SLIT3: variants seen among roughly 807,000 people sequenced by gnomAD.
SLIT3 encodes the protein slit homolog 3 protein.
In SLIT3, 68 loss-of-function variants were observed where a neutral mutation model predicts 184.0. The ratio of observed to expected loss-of-function variants is 0.37; its 90% CI spans 0.30 to 0.45. The LOEUF is 0.45. SLIT3 is among the 20% of genes least tolerant of loss of function. The pLI, the probability that SLIT3 is intolerant of heterozygous loss-of-function variation, is 1.00. For missense variants in SLIT3, 1,707 were observed against 2,026.0 expected, an observed-to-expected ratio of 0.84 and a Z score of 3.02; for synonymous variants, 831 against 828.6, an observed-to-expected ratio of 1.00 and a Z score of -0.05.
intron 8 of SLIT3, among the ~76,000 whole-genome samples, chr5:168,816,139 C>G (rs1010616158): frequency 6.6e-6 from 1 of 152,094 alleles, no homozygotes; most frequent in Non-Finnish European, 1.5e-5. Context: ...TGGAAGGTGC[C>G]AATGCAAAGT....
intron 4 of SLIT3, among the ~76,000 whole-genome samples, chr5:168,917,275 TC>T (rs1453452874): frequency 6.6e-6 from 1 of 152,050 alleles, no homozygotes; most frequent in African/African-American, 2.4e-5. Flanking sequence ...CCTAGCCAAG[TC>T]CTAGTCTTAC....
intron 4 of SLIT3, among the ~76,000 whole-genome samples, chr5:168,887,763 A>G (rs1333076485): frequency 6.6e-6 from 1 of 152,158 alleles, no homozygotes. Context: ...AGCACTCTGC[A>G]CAGCACCTAG....
intron 5 of SLIT3, among the ~76,000 whole-genome samples, chr5:168,850,308 T>C (rs1379875912): frequency 6.6e-6 from 1 of 152,188 alleles, no homozygotes; most frequent in African/African-American, 2.4e-5. Context: ...ATTTTGCTCA[T>C]TTTGTACACT....
chr5:168,703,226 TTGTGTGTGTGTGTGTGTGTGTGTGTG>T (rs370363011), intron 26 of SLIT3, among the ~76,000 whole-genome samples: 77 of 126,740 alleles, frequency 6.1e-4, no homozygotes, highest in African/African-American at 1.7e-3. Flanking sequence ...TCATCCCACT[TTGTGTGTGTGTGTGTGTGTGTGTGTG>T]TGTGTGTGTG....
chr5:168,967,462 C>T (rs1208170746), intron 4 of SLIT3, among the ~76,000 whole-genome samples: 20 of 1,486 alleles, frequency 0.013, no homozygotes, highest in South Asian at 0.11. Context: ...TTTTTTGAGA[C>T]GGAGTCTCGC....
intron 5 of SLIT3, among the ~76,000 whole-genome samples, chr5:168,873,366 A>G (rs1759608529): frequency 1.3e-5 from 2 of 151,932 alleles, no homozygotes; most frequent in Admixed American, 1.3e-4. Context: ...ATAGTGACTC[A>G]CACTCGTAAT....
At chr5:169,065,290 C>T (rs956283880) in intron 4 of SLIT3, among the ~76,000 whole-genome samples, 2 of 152,046 alleles carry the variant, frequency 1.3e-5, no homozygotes, top group African/African-American at 2.4e-5. Context: ...TGGCAGCTAC[C>T]GTCTAGTGTA....
At chr5:169,165,417 G>A (rs910499622) in intron 4 of SLIT3, among the ~76,000 whole-genome samples, 3 of 152,222 alleles carry the variant, frequency 2.0e-5, no homozygotes, top group African/African-American at 7.2e-5. Context: ...TAGGGGGAGT[G>A]ACAGCAACAA....
chr5:168,890,006 G>T (rs988842107), intron 4 of SLIT3, among the ~76,000 whole-genome samples: 1 of 151,982 alleles, frequency 6.6e-6, no homozygotes, highest in Non-Finnish European at 1.5e-5. Context: ...AGCCAGGCGT[G>T]GTGGTGGGCA....
At chr5:169,186,512 T>C (rs1016814530) in intron 4 of SLIT3, among the ~76,000 whole-genome samples, 2 of 152,224 alleles carry the variant, frequency 1.3e-5, no homozygotes, top group African/African-American at 2.4e-5. Flanking sequence ...TTAGCATTCC[T>C]ATTGTGTAGC....
chr5:169,047,359 C>T (rs181722947), intron 4 of SLIT3, among the ~76,000 whole-genome samples: 1 of 152,288 alleles, frequency 6.6e-6, no homozygotes, highest in East Asian at 1.9e-4. Context: ...GCTGATTTTA[C>T]AGCTGAAATG....
intron 1 of SLIT3, among the ~76,000 whole-genome samples, chr5:169,272,283 T>G (rs1240791667): frequency 2.0e-5 from 3 of 152,216 alleles, no homozygotes; most frequent in African/African-American, 4.8e-5. Context: ...CTAGTTCTAC[T>G]CTGGAGATGT....
chr5:168,844,609 G>A lies in SLIT3; in HGVS notation c.532C>T (p.Arg178Ter), dbSNP rs758788044. The A allele has an allele frequency of 1.2e-6, 2 of 1,614,174 alleles. No individual in the cohort carries two copies. The highest frequency in any genetic ancestry group is 1.1e-5 in the South Asian group (1 of 91,088). Residue 178 changes from arginine to a stop codon, truncating the protein, a stop_gained, in exon 6 of 36, where the codon CGA (arginine) becomes TGA (stop). Transcript: ENST00000519560. LOFTEE classifies it high-confidence loss of function. The stretch of plus-strand genomic sequence containing the variant: ...AGGATCTCCAAATCGCGCAGCGCTC[G>A]GAAGGCTCCATCTTCAATGCAGCTG... ...HISCIEDGAF[R>*]ALRDLEILTL...
chr5:168,702,712 G>A (rs886245672), intron 26 of SLIT3, among the ~76,000 whole-genome samples: 2 of 151,988 alleles, frequency 1.3e-5, no homozygotes, highest in African/African-American at 4.8e-5. Context: ...TGATGATGAT[G>A]ATGCTTGGGG....
chr5:169,125,079 C>A (rs1437459753), intron 4 of SLIT3, among the ~76,000 whole-genome samples: 3 of 151,700 alleles, frequency 2.0e-5, no homozygotes, highest in Non-Finnish European at 4.4e-5. Context: ...GATGGAGTTT[C>A]ACTCTGTCGC....
At chr5:169,017,615 C>G (rs866549360) in intron 4 of SLIT3, among the ~76,000 whole-genome samples, 1 of 152,174 alleles carries the variant, frequency 6.6e-6, no homozygotes, top group Non-Finnish European at 1.5e-5. Context: ...ACTGATGCTT[C>G]CCACAAGCCT....
chr5:169,095,720 C>T (rs1277650868), intron 4 of SLIT3, among the ~76,000 whole-genome samples: 2 of 152,346 alleles, frequency 1.3e-5, no homozygotes, highest in East Asian at 3.9e-4. Context: ...CCATACCAAT[C>T]TGTGTCCTCA....
intron 24 of SLIT3, among the ~76,000 whole-genome samples, chr5:168,711,842 A>C (rs1762570606): frequency 6.6e-6 from 1 of 152,132 alleles, no homozygotes. Context: ...GTAAAATAAG[A>C]AGGGAATACC....
chr5:169,043,914 A>G (rs2113031816), intron 4 of SLIT3, among the ~76,000 whole-genome samples: 1 of 152,360 alleles, frequency 6.6e-6, no homozygotes, highest in South Asian at 2.1e-4. Flanking sequence ...GTCAACAGTA[A>G]GAATGACATA....
Sources: gnomAD v4.1 joint callset for allele counts (sites outside exome capture counted in the v4.1 genomes callset) on GRCh38, gnomAD v4.1.1 for gene constraint, MANE v1.5 for transcripts, NCBI Gene and HGNC (gene_info 2026-07-23, HGNC 2026-07-21) for gene names.